The following ARHGAP12 variants were observed in gnomAD, a reference collection of about 807,000 sequenced individuals.
ARHGAP12 encodes rho GTPase-activating protein 12.
ARHGAP12 carries 64 observed loss-of-function variants against 108.6 expected under a neutral mutation model. The observed-to-expected ratio is 0.59, with a 90% CI of 0.48 to 0.73. ARHGAP12 has a LOEUF of 0.73. Ranked by LOEUF, ARHGAP12 falls within the 30% of genes least tolerant of loss-of-function variation. The pLI, the probability that ARHGAP12 is intolerant of heterozygous loss-of-function variation, is 0.00. For missense variants in ARHGAP12, 940 were observed against 1,005.9 expected (o/e 0.93, Z 0.89); for synonymous variants, 312 against 337.2 (o/e 0.93, Z 0.82).
intron 3 of ARHGAP12, among the ~76,000 whole-genome samples, chr10:31,891,842 C>T (rs139881614): frequency 6.6e-6 from 1 of 152,170 alleles, no homozygotes; most frequent in African/African-American, 2.4e-5. Context: ...GATCCTCCAT[C>T]ACTGATACCT....
chr10:31,879,799 C>T (rs1187375294), intron 3 of ARHGAP12, among the ~76,000 whole-genome samples: 1 of 151,812 alleles, frequency 6.6e-6, no homozygotes, highest in Admixed American at 6.5e-5. Context: ...ATCAGTGCTA[C>T]ACTAGTAGAA....
chr10:31,910,968 T>C (rs553723475), intron 1 of ARHGAP12, among the ~76,000 whole-genome samples: 77 of 152,352 alleles, frequency 5.1e-4, no homozygotes, highest in African/African-American at 1.7e-3. Context: ...TAAAAGTTAT[T>C]AGGTGTCCTA....
chr10:31,874,243 T>C (rs1201301323), intron 3 of ARHGAP12, among the ~76,000 whole-genome samples: 1 of 152,238 alleles, frequency 6.6e-6, no homozygotes, highest in Non-Finnish European at 1.5e-5. Context: ...ATACCATCTT[T>C]TCTGTCTCTC....
intron 3 of ARHGAP12, among the ~76,000 whole-genome samples, chr10:31,877,812 T>G (rs1021872220): frequency 6.6e-6 from 1 of 151,972 alleles, no homozygotes; most frequent in Non-Finnish European, 1.5e-5. Context: ...TTAAAACCAG[T>G]TGGGTGAGGT....
intron 3 of ARHGAP12, among the ~76,000 whole-genome samples, chr10:31,874,627 A>T (rs897978764): frequency 6.6e-6 from 1 of 152,180 alleles, no homozygotes; most frequent in Non-Finnish European, 1.5e-5. Context: ...GTTAAACAAG[A>T]GATATTTAAA....
intron 3 of ARHGAP12, among the ~76,000 whole-genome samples, chr10:31,896,703 C>G (rs2132420708): frequency 6.6e-6 from 1 of 152,180 alleles, no homozygotes; most frequent in East Asian, 1.9e-4. Context: ...GTGAGTTAGG[C>G]AAGGTGGCAA....
chr10:31,870,324 C>T (rs978945260), intron 3 of ARHGAP12, among the ~76,000 whole-genome samples: 1 of 151,286 alleles, frequency 6.6e-6, no homozygotes, highest in Non-Finnish European at 1.5e-5. Context: ...CCGCCTCCTG[C>T]GTTCAAGCAA....
intron 3 of ARHGAP12, among the ~76,000 whole-genome samples, chr10:31,903,763 TA>T (rs59513872): frequency 0.55 from 82,209 of 150,800 alleles, 23,042 homozygotes; most frequent in African/African-American, 0.68. Context: ...AATTCAACAG[TA>T]AAAAAAACCA....
intron 1 of ARHGAP12, among the ~76,000 whole-genome samples, chr10:31,912,099 T>TAC (rs1306894371): frequency 6.6e-6 from 1 of 152,198 alleles, no homozygotes; most frequent in African/African-American, 2.4e-5. Flanking sequence ...TTTCATGCAT[T>TAC]ACCAGAACGC....
At chr10:31,899,180 G>A (rs1838825112) in intron 3 of ARHGAP12, among the ~76,000 whole-genome samples, 1 of 152,210 alleles carries the variant, frequency 6.6e-6, no homozygotes, top group African/African-American at 2.4e-5. Flanking sequence ...ACAGACGACA[G>A]TGGGGTGATA....
intron 3 of ARHGAP12, among the ~76,000 whole-genome samples, chr10:31,899,559 A>G (rs1838840292): frequency 6.6e-6 from 1 of 152,232 alleles, no homozygotes. Flanking sequence ...GAACAGAATA[A>G]AAAGTTCAGA....
chr10:31,905,479 C>T (rs376692194), intron 3 of ARHGAP12, among the ~76,000 whole-genome samples: 16 of 152,090 alleles, frequency 1.1e-4, no homozygotes, highest in Admixed American at 1.0e-3. Flanking sequence ...AGAAACCACA[C>T]TGGAGAGGTT....
intron 10 of ARHGAP12, among the ~76,000 whole-genome samples, chr10:31,828,629 A>G (rs12244753): frequency 0.05 from 7,666 of 152,218 alleles, 644 homozygotes; most frequent in African/African-American, 0.17. Flanking sequence ...CATAAATAGT[A>G]AAATAACGAT....
intron 2 of ARHGAP12, among the ~76,000 whole-genome samples, 172 bp from the exon 3 acceptor site, chr10:31,909,098 C>T (rs1270140972): frequency 6.6e-6 from 1 of 152,140 alleles, no homozygotes; most frequent in Non-Finnish European, 1.5e-5. Flanking sequence ...ACATTAAAAA[C>T]ACTTTCATTC....
intron 3 of ARHGAP12, among the ~76,000 whole-genome samples, chr10:31,876,843 A>ATCC (rs1375195283): frequency 6.6e-6 from 1 of 152,236 alleles, no homozygotes; most frequent in Non-Finnish European, 1.5e-5. Flanking sequence ...GGTCTTGAGT[A>ATCC]TCCTTTAAGG....
chr10:31,817,001 A>G (rs1835227256), intron 13 of ARHGAP12, among the ~76,000 whole-genome samples: 1 of 152,170 alleles, frequency 6.6e-6, no homozygotes, highest in African/African-American at 2.4e-5. Context: ...ATGATCCTCA[A>G]TGAAGAGCCA....
intron 15 of ARHGAP12, among the ~76,000 whole-genome samples, chr10:31,811,378 C>T (rs1002974367): frequency 2.6e-5 from 4 of 152,172 alleles, no homozygotes; most frequent in African/African-American, 9.7e-5. Context: ...TTCTATTGAT[C>T]TTTCAACCCA....
chr10:31,907,834 A>C (rs1265317411), intron 3 of ARHGAP12, among the ~76,000 whole-genome samples: 2 of 152,138 alleles, frequency 1.3e-5, no homozygotes, highest in Non-Finnish European at 2.9e-5. Flanking sequence ...AAGAGTAAAA[A>C]TTTTTTCTAT....
chr10:31,840,972 ACTGT>A (rs1270644259), intron 7 of ARHGAP12, among the ~76,000 whole-genome samples: 2 of 152,130 alleles, frequency 1.3e-5, no homozygotes, highest in African/African-American at 4.8e-5. Flanking sequence ...GATTCCTAAG[ACTGT>A]CTGATAGTAA....
Sources: allele counts gnomAD v4.1 joint callset (sites outside exome capture counted in the v4.1 genomes callset), GRCh38; gene constraint gnomAD v4.1.1; transcripts MANE v1.5; gene names NCBI Gene and HGNC (gene_info 2026-07-23, HGNC 2026-07-21).